Variants in CACNA2D2 observed in about 807,000 individuals in gnomAD.
The protein encoded by CACNA2D2 is calcium voltage-gated channel auxiliary subunit alpha2delta 2.
A neutral mutation model predicts 166.4 loss-of-function variants in CACNA2D2; 48 were observed. The observed-to-expected ratio is 0.29, with a 90% CI of 0.23 to 0.37. CACNA2D2 has a LOEUF of 0.37. Ranked by LOEUF, CACNA2D2 falls within the 10% of genes least tolerant of loss-of-function variation. The probability of loss-of-function intolerance (pLI) is 1.00; values close to 1 mark genes in which losing one functional copy is unlikely to be tolerated. For missense variants in CACNA2D2, 1,122 were observed against 1,433.0 expected (o/e 0.78, Z 3.50); for synonymous variants, 561 against 573.7 (o/e 0.98, Z 0.32).
chr3:50,400,905 C>A (rs1354902208), intron 3 of CACNA2D2, among the ~76,000 whole-genome samples: 1 of 152,160 alleles, frequency 6.6e-6, no homozygotes, highest in Admixed American at 6.5e-5. Flanking sequence ...GAACTCTTGA[C>A]CTCAAGTGAT....
intron 2 of CACNA2D2, among the ~76,000 whole-genome samples, chr3:50,458,816 T>C (rs1300415673): frequency 6.6e-6 from 1 of 152,246 alleles, no homozygotes; most frequent in African/African-American, 2.4e-5. Context: ...GGGTTAATGC[T>C]GGGGAACCCC....
chr3:50,469,075 C>T (rs902251175), intron 2 of CACNA2D2, among the ~76,000 whole-genome samples: 2 of 152,106 alleles, frequency 1.3e-5, no homozygotes, highest in South Asian at 2.1e-4. Flanking sequence ...ATGATCTGCC[C>T]GCCTCAGGCT....
At position 50,366,418 on chromosome 3, in the gene CACNA2D2, A is replaced by G; in HGVS notation, c.2638-80T>C. 6.6e-7 allele frequency: 1 copy of G among 1,516,830 alleles called. No homozygotes were observed. The highest frequency in any genetic ancestry group is 9.2e-7 in the Non-Finnish European group (1 of 1,092,074). The allele number at this position is 1,516,830 out of a possible 1,614,324, so 94.0% of individuals were successfully genotyped here. A position where few individuals can be genotyped will look rare whatever the true frequency, so the allele number is the denominator to read the frequency against. On this transcript the variant is annotated intron_variant, in intron 30 of 37. Coordinates refer to ENST00000424201, the MANE Select transcript of CACNA2D2 (RefSeq NM_006030.4). This position sits in a 1 kb window ranked among gnomAD's most constrained non-coding sequence, Gnocchi z 5.9. ...CACCGCAGGCAGTCCAGTGGTTCAG[A>G]GTTGGGGGGCATCACTCCCCCAGTC...
intron 3 of CACNA2D2, among the ~76,000 whole-genome samples, chr3:50,428,737 A>C (rs1461922174): frequency 1.3e-5 from 2 of 152,106 alleles, no homozygotes; most frequent in Non-Finnish European, 2.9e-5. Context: ...GAAGAAACTG[A>C]GGGGGCAGGG....
intron 3 of CACNA2D2, among the ~76,000 whole-genome samples, chr3:50,398,881 A>C (rs1706293963): frequency 6.6e-6 from 1 of 152,250 alleles, no homozygotes; most frequent in Non-Finnish European, 1.5e-5. Context: ...AATGCAAGAA[A>C]GAGGAGGACT....
chr3:50,377,648 C>A lies in CACNA2D2; in HGVS notation c.1551+84G>T. On this transcript the variant is annotated intron_variant, in intron 16 of 37. Coordinates refer to ENST00000424201, the MANE Select transcript of CACNA2D2 (RefSeq NM_006030.4). ...ACAGGCAGTGTGCAGGCCTGCCCTG[C>A]CCCTCTTCCACCCTCAGACCTGCTG... 3.8e-6 allele frequency: 6 copies of A among 1,560,916 alleles called. No individual in the cohort carries two copies. In the South Asian group the frequency reaches 6.8e-5, roughly 18 times the overall value.
chr3:50,446,006 T>C (rs2236975), intron 2 of CACNA2D2, among the ~76,000 whole-genome samples: 24,238 of 152,146 alleles, frequency 0.16, 2,610 homozygotes, highest in East Asian at 0.41. Flanking sequence ...GGCCAGCATT[T>C]ACCTTCCCGC....
At chr3:50,388,268 G>A (rs1469920990) in intron 4 of CACNA2D2, among the ~76,000 whole-genome samples, 2 of 152,196 alleles carry the variant, frequency 1.3e-5, no homozygotes, top group Non-Finnish European at 2.9e-5. Flanking sequence ...TAACACAAAC[G>A]GGCTAATTTC....
In CACNA2D2 at chr3:50,393,979, C is replaced by G. The variant is rs734767; in HGVS notation, c.465+130G>C. On this transcript the variant is annotated intron_variant, in intron 4 of 37. Coordinates refer to ENST00000424201, the MANE Select transcript of CACNA2D2 (RefSeq NM_006030.4). ...GGAGTAATTGCTGAATGTTGGACAC[C>G]GGCTTCTGGCTCTACTCCACAGACC... The G allele has an allele frequency of 0.21, 157,871 of 746,224 alleles. 24,480 individuals carry two copies. Among genetic ancestry groups the G allele is most frequent in the African/African-American group, 0.54 (30,861 of 57,368 alleles). The allele number at this position is 746,224 out of a possible 1,614,324, so 46.2% of individuals were successfully genotyped here.
At position 50,372,488 on chromosome 3, in the gene CACNA2D2, C is replaced by T. The variant is rs936165923; in HGVS notation, c.1985-2108G>A. ...CTGCTCTTCAATGGCTGGGGCCTGC[C>T]CTATGCTGCCCTTTGGCCCCAGCAT... On this transcript the variant is annotated intron_variant, in intron 22 of 37. Coordinates refer to ENST00000424201, the MANE Select transcript of CACNA2D2 (RefSeq NM_006030.4). Among the ~76,000 whole-genome samples the T allele has an allele frequency of 1.6e-4, 25 of 152,200 alleles. 1 individual carries two copies. Among genetic ancestry groups the T allele is most frequent in the African/African-American group, 2.4e-5 (1 of 41,460 alleles).
chr3:50,441,205 G>A (rs916502008), intron 2 of CACNA2D2, among the ~76,000 whole-genome samples: 8 of 152,224 alleles, frequency 5.3e-5, no homozygotes, highest in African/African-American at 1.7e-4. Flanking sequence ...TCGTCCTCAA[G>A]AGGCAACTTC....
intron 2 of CACNA2D2, among the ~76,000 whole-genome samples, chr3:50,450,161 T>C (rs1709030915): frequency 6.6e-6 from 1 of 152,212 alleles, no homozygotes; most frequent in East Asian, 1.9e-4. Flanking sequence ...AAAATCACTA[T>C]ACAGCCCCAC....
At chr3:50,371,795 G>T (rs1704667831) in intron 22 of CACNA2D2, among the ~76,000 whole-genome samples, 1 of 152,046 alleles carries the variant, frequency 6.6e-6, no homozygotes, top group Non-Finnish European at 1.5e-5. Flanking sequence ...AAAAAGGAGG[G>T]CGAAGGAGCA....
rs1263942205 is a variant in CACNA2D2 at position 50,366,234 on chromosome 3, ACT to A, written c.2709+31_2709+32del. 5.0e-6 allele frequency: 8 copies of A among 1,613,366 alleles called. No individual in the cohort carries two copies. The highest frequency in any genetic ancestry group is 3.3e-5 in the Admixed American group (2 of 59,968). On this transcript the variant is annotated intron_variant, in intron 31 of 37. Coordinates refer to ENST00000424201, the MANE Select transcript of CACNA2D2 (RefSeq NM_006030.4). This position sits in a 1 kb window ranked among gnomAD's most constrained non-coding sequence, Gnocchi z 5.9. ...ACACCCCTAGAAGGCTCAAATCCCT[ACT>A]CTCTTCTTTCACTCTCTTCCTGATC...
intron 2 of CACNA2D2, among the ~76,000 whole-genome samples, chr3:50,455,013 C>G (rs1465038753): frequency 6.6e-6 from 1 of 152,206 alleles, no homozygotes; most frequent in Non-Finnish European, 1.5e-5. Flanking sequence ...GGCTTCGGCC[C>G]TAGGGATAGA....
chr3:50,496,742 A>C (rs1209494144), intron 1 of CACNA2D2, among the ~76,000 whole-genome samples: 1 of 152,230 alleles, frequency 6.6e-6, no homozygotes, highest in Non-Finnish European at 1.5e-5. Context: ...ATGAGGCTCC[A>C]AGACCCTGAG....
At chr3:50,412,645 G>T (rs1470558806) in intron 3 of CACNA2D2, among the ~76,000 whole-genome samples, 2 of 152,004 alleles carry the variant, frequency 1.3e-5, no homozygotes, top group East Asian at 1.9e-4. Flanking sequence ...GGTGGGGGAG[G>T]CTTGATGCAG....
At chr3:50,432,879 T>C (rs1001394340) in intron 3 of CACNA2D2, among the ~76,000 whole-genome samples, 5 of 152,198 alleles carry the variant, frequency 3.3e-5, no homozygotes, top group African/African-American at 1.2e-4. Flanking sequence ...ATTCTGGTTC[T>C]CTCTTGGGGA....
intron 5 of CACNA2D2, among the ~76,000 whole-genome samples, chr3:50,384,922 G>A (rs1705513043): frequency 6.6e-6 from 1 of 152,236 alleles, no homozygotes; most frequent in Admixed American, 6.5e-5. Context: ...GAGCTGGGCT[G>A]GGGGCTACCA....
Sources: allele counts gnomAD v4.1 joint callset (sites outside exome capture counted in the v4.1 genomes callset), GRCh38; gene constraint gnomAD v4.1.1; non-coding constraint Gnocchi (gnomAD v3.1); transcripts MANE v1.5; gene names NCBI Gene and HGNC (gene_info 2026-07-23, HGNC 2026-07-21).